The following SHISA9 variants were observed in gnomAD, a reference collection of about 807,000 sequenced individuals.
The protein encoded by SHISA9 is protein shisa-9.
In SHISA9, 13 loss-of-function variants were observed where a neutral mutation model predicts 38.0. That is an observed-to-expected ratio of 0.34 (90% CI 0.22 to 0.54). SHISA9 has a LOEUF of 0.54. Among genes scored for constraint, SHISA9 ranks in the 20% least tolerant of loss-of-function variants. SHISA9 has a pLI of 0.91. For synonymous variants in SHISA9, 275 were observed against 242.0 expected (o/e 1.14, Z -1.27); for missense variants, 538 against 575.8 (o/e 0.93, Z 0.67).
At chr16:13,003,889 T>TAAGAAGAAGAAGAAG (rs59904952) in intron 2 of SHISA9, among the ~76,000 whole-genome samples, 26 of 145,878 alleles carry the variant, frequency 1.8e-4, no homozygotes, top group African/African-American at 6.0e-4. Context: ...ATAATAATAA[T>TAAGAAGAAGAAGAAG]AAGAAGAAGA....
intron 2 of SHISA9, among the ~76,000 whole-genome samples, chr16:13,012,334 G>A (rs192218911): frequency 2.0e-5 from 3 of 152,116 alleles, no homozygotes; most frequent in Non-Finnish European, 2.9e-5. Context: ...CCTGGGAGAG[G>A]AGAATGGAAT....
intron 3 of SHISA9, among the ~76,000 whole-genome samples, chr16:13,211,057 G>T (rs145234572): frequency 0.02 from 3,001 of 152,262 alleles, 48 homozygotes; most frequent in Non-Finnish European, 0.03. Flanking sequence ...AGCAGTTTGG[G>T]AGGCCAAAGC....
chr16:13,007,843 T>G (rs1483826552), intron 2 of SHISA9, among the ~76,000 whole-genome samples: 1 of 152,242 alleles, frequency 6.6e-6, no homozygotes, highest in Non-Finnish European at 1.5e-5. Flanking sequence ...CTTTCTCTCC[T>G]CTTGCACTTG....
the SHISA9 span, among the ~76,000 whole-genome samples, chr16:13,427,611 G>A: frequency 6.6e-6 from 1 of 152,126 alleles, no homozygotes; most frequent in Non-Finnish European, 1.5e-5. Context: ...AGAGGGAAGT[G>A]GAGGCATAGA....
At chr16:13,434,419 G>GTTTTTTTTTTT in the SHISA9 span, among the ~76,000 whole-genome samples, 31 of 64,542 alleles carry the variant, frequency 4.8e-4, 1 homozygote, top group East Asian at 2.0e-3. Context: ...GACAAGCTAT[G>GTTTTTTTTTTT]TTTTTTTTTT....
chr16:12,914,052 T>G (rs1163460699), intron 1 of SHISA9, among the ~76,000 whole-genome samples: 1 of 149,078 alleles, frequency 6.7e-6, no homozygotes, highest in African/African-American at 2.5e-5. Context: ...TTTTCTTTTT[T>G]TTTTTTTTTT....
chr16:13,024,211 A>G (rs1212535100), intron 2 of SHISA9, among the ~76,000 whole-genome samples: 3 of 152,226 alleles, frequency 2.0e-5, no homozygotes, highest in Non-Finnish European at 4.4e-5. Flanking sequence ...TCCAGAGCCC[A>G]TACTCTTTCT....
chr16:13,140,190 C>A (rs1156540091), intron 2 of SHISA9, among the ~76,000 whole-genome samples: 1 of 125,684 alleles, frequency 8.0e-6, no homozygotes, highest in African/African-American at 3.0e-5. Flanking sequence ...CCTTCCCTTT[C>A]TTTTTAGACA....
At position 13,020,004 on chromosome 16, in the gene SHISA9, CTT is replaced by C. The variant is rs1423899797; in HGVS notation, c.691+103190_691+103191del. Reference sequence around the variant, plus strand: ...CCTTCCTTCCTTCCTTCCTTCCTTCCTTCCTTCCCTCCTTCCTTCCTTCTCTT... The same window carrying C: ...CCTTCCTTCCTTCCTTCCTTCCTTCCCCTTCCCTCCTTCCTTCCTTCTCTT... On this transcript the variant is annotated intron_variant, in intron 2 of 4. Coordinates refer to ENST00000558583, the MANE Select transcript of SHISA9 (RefSeq NM_001145204.3). Among the ~76,000 whole-genome samples the C allele has an allele frequency of 8.6e-4, 113 of 130,702 alleles. 2 individuals carry two copies. The highest frequency in any genetic ancestry group is 3.0e-3 in the African/African-American group (102 of 34,552). The allele number at this position is 130,702 out of a possible 152,430, so 85.7% of individuals were successfully genotyped here.
the SHISA9 span, among the ~76,000 whole-genome samples, chr16:13,522,195 C>G: frequency 2.0e-5 from 3 of 152,122 alleles, no homozygotes; most frequent in Non-Finnish European, 4.4e-5. Context: ...GAGATTTCCC[C>G]TTTTGTTTGG....
At chr16:13,345,595 T>A in the SHISA9 span, among the ~76,000 whole-genome samples, 1 of 152,196 alleles carries the variant, frequency 6.6e-6, no homozygotes, top group Non-Finnish European at 1.5e-5. Flanking sequence ...TATAATAGAA[T>A]GATTTATATT....
At chr16:12,905,595 ATT>A (rs57837915) in intron 1 of SHISA9, among the ~76,000 whole-genome samples, 2 of 141,868 alleles carry the variant, frequency 1.4e-5, no homozygotes, top group Admixed American at 7.0e-5. Context: ...TTTTATTTGC[ATT>A]TTTTTTTTTT....
At chr16:13,114,104 A>G (rs1045270309) in intron 2 of SHISA9, among the ~76,000 whole-genome samples, 3 of 152,156 alleles carry the variant, frequency 2.0e-5, no homozygotes, top group African/African-American at 7.2e-5. Context: ...AACTCACAAT[A>G]TTGAAGGCTC....
At chr16:12,976,212 C>G (rs1218117484) in intron 2 of SHISA9, among the ~76,000 whole-genome samples, 1 of 152,096 alleles carries the variant, frequency 6.6e-6, no homozygotes, top group Non-Finnish European at 1.5e-5. Flanking sequence ...CTCAGCCTCC[C>G]GACTAGCTGG....
intron 2 of SHISA9, among the ~76,000 whole-genome samples, chr16:13,131,260 A>G (rs2050304179): frequency 6.6e-6 from 1 of 152,344 alleles, no homozygotes; most frequent in South Asian, 2.1e-4. Flanking sequence ...TAAAAAATAT[A>G]CATCATGAAA....
intron 2 of SHISA9, among the ~76,000 whole-genome samples, chr16:13,014,104 G>A (rs891752482): frequency 1.3e-5 from 2 of 152,172 alleles, no homozygotes; most frequent in Admixed American, 6.5e-5. Context: ...TAAGAACTCA[G>A]TGAGACAGGC....
At chr16:12,927,384 A>T (rs1329727959) in intron 2 of SHISA9, among the ~76,000 whole-genome samples, 1 of 152,110 alleles carries the variant, frequency 6.6e-6, no homozygotes, top group East Asian at 1.9e-4. Context: ...CCAATCTCAA[A>T]GCATAGCTGT....
At chr16:13,436,672 C>G in the SHISA9 span, among the ~76,000 whole-genome samples, 6 of 152,202 alleles carry the variant, frequency 3.9e-5, no homozygotes, top group Admixed American at 6.5e-5. Context: ...CAAGAAGCCT[C>G]TCCTGTGGTC....
chr16:12,936,848 G>C (rs950898223), intron 2 of SHISA9, among the ~76,000 whole-genome samples: 2 of 152,086 alleles, frequency 1.3e-5, no homozygotes, highest in African/African-American at 4.8e-5. Context: ...TATGGCTCCT[G>C]CTTGTTTACA....
Sources: allele counts gnomAD v4.1 joint callset (sites outside exome capture counted in the v4.1 genomes callset), GRCh38; gene constraint gnomAD v4.1.1; transcripts MANE v1.5; gene names NCBI Gene and HGNC (gene_info 2026-07-23, HGNC 2026-07-21).